The following COL4A5 variants were observed in gnomAD, a reference collection of about 807,000 sequenced individuals.
COL4A5 encodes the protein collagen alpha-5(IV) chain.
A neutral mutation model predicts 130.2 loss-of-function variants in COL4A5; 26 were observed. The observed-to-expected ratio is 0.20, with a 90% CI of 0.15 to 0.28. The LOEUF is 0.28. COL4A5 is among the 10% of genes least tolerant of loss of function. COL4A5 has a pLI of 1.00. For missense variants in COL4A5, 1,131 were observed against 1,344.3 expected, an observed-to-expected ratio of 0.84 and a Z score of 2.48; for synonymous variants, 496 against 439.6, an observed-to-expected ratio of 1.13 and a Z score of -1.60.
intron 36 of COL4A5, among the ~76,000 whole-genome samples, chrX:108,641,259 A>G (rs1375413761): frequency 8.9e-6 from 1 of 111,970 alleles, no homozygotes; most frequent in Non-Finnish European, 1.9e-5. Context: ...GTATTTCTGC[A>G]CAGAAACTTG....
chrX:108,564,372 T>G (rs1304449191), intron 4 of COL4A5, among the ~76,000 whole-genome samples: 1 of 111,810 alleles, frequency 8.9e-6, no homozygotes, highest in East Asian at 2.8e-4. Context: ...TAGAAGAGAA[T>G]AAGTTTAGTT....
At chrX:108,524,228 G>A (rs1324730114) in intron 1 of COL4A5, among the ~76,000 whole-genome samples, 1 of 111,932 alleles carries the variant, frequency 8.9e-6, no homozygotes, top group Non-Finnish European at 1.9e-5. Flanking sequence ...TGACAGAGTG[G>A]ACATTCTTGT....
chrX:108,484,838 A>G (rs935119578), intron 1 of COL4A5, among the ~76,000 whole-genome samples: 3 of 112,511 alleles, frequency 2.7e-5, no homozygotes, highest in Non-Finnish European at 5.6e-5. Flanking sequence ...CTAGGGCTCT[A>G]TAGTTAGCAG....
chrX:108,681,060 C>G, intron 46 of COL4A5, 104 bp downstream of exon 46: 1 of 680,578 alleles, frequency 1.5e-6, no homozygotes, highest in Non-Finnish European at 2.3e-6. Flanking sequence ...GGCTAAGTCC[C>G]CAACAACTGA....
intron 39 of COL4A5, 131 bp from the exon 40 acceptor site, chrX:108,666,999 ATCT>A: frequency 1.8e-6 from 1 of 546,782 alleles, no homozygotes; most frequent in Non-Finnish European, 3.2e-6. Context: ...TTGGAAATAA[ATCT>A]TCTGCATGTT....
At chrX:108,609,006 GA>G (rs1427972776) in intron 29 of COL4A5, among the ~76,000 whole-genome samples, 3 of 111,974 alleles carry the variant, frequency 2.7e-5, no homozygotes, top group Non-Finnish European at 5.7e-5. Context: ...TTCTTTCAGT[GA>G]AATCATTGAG....
At chrX:108,641,140 T>C (rs1233201271) in intron 36 of COL4A5, among the ~76,000 whole-genome samples, 1 of 111,967 alleles carries the variant, frequency 8.9e-6, no homozygotes, top group Admixed American at 9.4e-5. Flanking sequence ...TGTAAAATGA[T>C]GCAGCTGCTG....
rs186273070 is a variant in COL4A5 at position 108,554,128 on chromosome X, A to G, written c.142-4936A>G. On this transcript the variant is annotated intron_variant, in intron 2 of 52. Coordinates refer to ENST00000328300, the MANE Select transcript of COL4A5 (RefSeq NM_033380.3). The stretch of plus-strand genomic sequence containing the variant: ...ATATGGGCACAAAGAAGCTTTTGTA[A>G]TGGATTGGCTATGCTCATTATTTTG... Among the ~76,000 whole-genome samples the G allele has an allele frequency of 1.0e-3, 113 of 111,829 alleles. 4 individuals carry two copies. The East Asian group carries it at 0.03, about 30-fold the overall frequency.
chrX:108,679,923 A>G (rs1364425033), intron 44 of COL4A5, among the ~76,000 whole-genome samples: 1 of 112,400 alleles, frequency 8.9e-6, no homozygotes, highest in African/African-American at 3.2e-5. Context: ...GAGGAGAAAA[A>G]GGAAGAGCTT....
At chrX:108,563,854 A>AAAAACCT in intron 3 of COL4A5, 28 bp from the exon 4 acceptor site, 1 of 1,198,642 alleles carries the variant, frequency 8.3e-7, no homozygotes, top group East Asian at 3.0e-5. Context: ...TTTGACGGAC[A>AAAAACCT]AAAACCTAAA....
At chrX:108,640,694 T>A (rs2067446609) in intron 36 of COL4A5, among the ~76,000 whole-genome samples, 2 of 111,490 alleles carry the variant, frequency 1.8e-5, no homozygotes, top group South Asian at 3.8e-4. Flanking sequence ...GTGAATGTTG[T>A]TTATGCCACA....
At chrX:108,545,444 C>T (rs947307524) in intron 2 of COL4A5, among the ~76,000 whole-genome samples, 1 of 111,257 alleles carries the variant, frequency 9.0e-6, no homozygotes, top group African/African-American at 3.3e-5. Flanking sequence ...ATCCTGAGTT[C>T]TAGTTTGATT....
intron 43 of COL4A5, 41 bp downstream of exon 43, chrX:108,674,794 T>A: frequency 8.8e-7 from 1 of 1,135,973 alleles, no homozygotes; most frequent in Non-Finnish European, 1.2e-6. Flanking sequence ...TTTTTTTTTT[T>A]TAATGCTTTG....
chrX:108,645,703 T>C (rs1258265947), intron 36 of COL4A5, among the ~76,000 whole-genome samples: 3 of 107,419 alleles, frequency 2.8e-5, no homozygotes, highest in Non-Finnish European at 1.9e-5. Flanking sequence ...TAGCATTAGG[T>C]ATATCTCCTA....
intron 37 of COL4A5, among the ~76,000 whole-genome samples, chrX:108,657,846 A>G (rs2067873516): frequency 2.7e-5 from 3 of 111,248 alleles, no homozygotes; most frequent in African/African-American, 9.7e-5. Flanking sequence ...AAAATTGCCA[A>G]TTTCACTTTT....
intron 2 of COL4A5, among the ~76,000 whole-genome samples, chrX:108,542,913 G>A (rs1864797250): frequency 9.3e-6 from 1 of 108,006 alleles, no homozygotes; most frequent in Non-Finnish European, 1.9e-5. Flanking sequence ...CTTCTTTTGA[G>A]AAGTGTCTGT....
At chrX:108,456,470 C>A (rs1332303419) in intron 1 of COL4A5, among the ~76,000 whole-genome samples, 1 of 111,757 alleles carries the variant, frequency 8.9e-6, no homozygotes. Context: ...GTGTCCATTT[C>A]TTTGGATTTT....
rs751375482 is a variant in COL4A5 at position 108,689,638 on chromosome X, T to A, written c.4528+1944T>A. On this transcript the variant is annotated intron_variant, in intron 49 of 52. Transcript: ENST00000328300. ...TCACACAAGGATCACATTGGAAGTATCTTGATGACTAAGCAAAGATACAGG... is the reference window on the plus strand; with the variant it reads ...TCACACAAGGATCACATTGGAAGTAACTTGATGACTAAGCAAAGATACAGG... 5 of 752,586 alleles carry A rather than the reference T, an allele frequency of 6.6e-6. No individual in the cohort carries two copies. In the East Asian group the frequency reaches 6.1e-4, roughly 92 times the overall value. The allele number at this position is 752,586 out of a possible 1,213,427, so 62.0% of individuals were successfully genotyped here.
In COL4A5 at chrX:108,502,964, C is replaced by G. The variant is rs1189024084; in HGVS notation, c.82-36782C>G. On this transcript the variant is annotated intron_variant, in intron 1 of 52. Coordinates refer to ENST00000328300, the MANE Select transcript of COL4A5 (RefSeq NM_033380.3). ...TCTCTTAAATGTGTGGGTTTTCCCTCTATCCCTTACTTTTCTTTACAATTA... is the reference window on the plus strand; with the variant it reads ...TCTCTTAAATGTGTGGGTTTTCCCTGTATCCCTTACTTTTCTTTACAATTA... 3.7e-4 allele frequency among the ~76,000 whole-genome samples: 42 copies of G among 112,377 alleles called. No individual in the cohort carries two copies. The Admixed American group carries it at 3.9e-3, about 10-fold the overall frequency.
Sources: gnomAD v4.1 joint callset for allele counts (sites outside exome capture counted in the v4.1 genomes callset) on GRCh38, gnomAD v4.1.1 for gene constraint, MANE v1.5 for transcripts, NCBI Gene and HGNC (gene_info 2026-07-23, HGNC 2026-07-21) for gene names.